FLT3: variants seen among roughly 807,000 people sequenced by gnomAD.
The protein encoded by FLT3 is receptor-type tyrosine-protein kinase FLT3.
FLT3 carries 46 observed loss-of-function variants against 126.6 expected under a neutral mutation model. That is an observed-to-expected ratio of 0.36 (90% CI 0.29 to 0.46). The LOEUF (loss-of-function observed/expected upper bound fraction) is 0.46, where lower values mean the gene tolerates loss of function less well. Ranked by LOEUF, FLT3 falls within the 20% of genes least tolerant of loss-of-function variation. FLT3 has a pLI of 1.00. For missense variants in FLT3, 1,069 were observed against 1,190.3 expected (o/e 0.90, Z 1.50); for synonymous variants, 404 against 434.4 (o/e 0.93, Z 0.87).
chr13:28,065,831 G>GTAA (rs59880929), intron 2 of FLT3, among the ~76,000 whole-genome samples: 3,510 of 126,770 alleles, frequency 0.028, 152 homozygotes, highest in African/African-American at 0.097. Flanking sequence ...TTGTCTCAAA[G>GTAA]TAATAATAAT....
intron 9 of FLT3, among the ~76,000 whole-genome samples, chr13:28,041,891 G>A (rs911754123): frequency 3.9e-5 from 6 of 152,130 alleles, no homozygotes; most frequent in Non-Finnish European, 8.8e-5. Flanking sequence ...GATGGCTCAC[G>A]CCTGCAATCC....
At position 28,045,959 on chromosome 13, in the gene FLT3, AG is replaced by A. The variant is rs1874831071; in HGVS notation, c.1205+2315del. 2.3e-5 allele frequency among the ~76,000 whole-genome samples: 3 copies of A among 132,086 alleles called. No individual in the cohort carries two copies. The South Asian group carries it at 7.4e-4, about 32-fold the overall frequency. The allele number at this position is 132,086 out of a possible 152,430, so 86.7% of individuals were successfully genotyped here. On this transcript the variant is annotated intron_variant, in intron 9 of 23. Transcript: ENST00000241453. ...CAAAAAAAAAAAAAAAAAAAATGCC[AG>A]GGGTTATTTTTCTCAATTTGGCAGT...
At chr13:28,049,278 T>G (rs956697773) in intron 8 of FLT3, 106 bp downstream of exon 8, 4 of 1,024,732 alleles carry the variant, frequency 3.9e-6, no homozygotes, top group Non-Finnish European at 5.8e-6. Flanking sequence ...TTCTTAGTGT[T>G]TGATAGTAGC....
At chr13:28,097,647 C>T (rs1472113939) in intron 1 of FLT3, among the ~76,000 whole-genome samples, 1 of 152,200 alleles carries the variant, frequency 6.6e-6, no homozygotes, top group Non-Finnish European at 1.5e-5. Context: ...ACTAGAGTTT[C>T]AGAGTCAGAG....
At chr13:28,020,148 T>C (rs1872256168) in intron 19 of FLT3, among the ~76,000 whole-genome samples, 1 of 152,008 alleles carries the variant, frequency 6.6e-6, no homozygotes, top group Non-Finnish European at 1.5e-5. Context: ...CTATCCCACA[T>C]TCCCTGCTGG....
chr13:28,074,692 G>A (rs1006216162), intron 1 of FLT3, among the ~76,000 whole-genome samples: 1 of 152,034 alleles, frequency 6.6e-6, no homozygotes, highest in Non-Finnish European at 1.5e-5. Flanking sequence ...TCAGGTTGGA[G>A]TATAGTGGCG....
chr13:28,013,667 G>A (rs1871586080), intron 23 of FLT3, among the ~76,000 whole-genome samples: 1 of 152,230 alleles, frequency 6.6e-6, no homozygotes, highest in Non-Finnish European at 1.5e-5. Context: ...GAAAACTGAT[G>A]CTTAGAGAAG....
intron 2 of FLT3, among the ~76,000 whole-genome samples, chr13:28,062,987 C>T (rs969999096): frequency 1.3e-5 from 2 of 152,034 alleles, no homozygotes; most frequent in African/African-American, 2.4e-5. Flanking sequence ...TGTATCACCC[C>T]TAGCAAACTA....
chr13:28,048,586 A>G, intron 8 of FLT3, 143 bp from the exon 9 acceptor site: 1 of 617,594 alleles, frequency 1.6e-6, no homozygotes, highest in East Asian at 2.8e-5. Context: ...TGGATAATCC[A>G]AGTGAAAACC....
chr13:28,049,236 T>A, intron 8 of FLT3, 148 bp downstream of exon 8: 1 of 796,702 alleles, frequency 1.3e-6, no homozygotes, highest in Non-Finnish European at 2.0e-6. Context: ...GTGGGCAGAT[T>A]ATCTTTGCAA....
chr13:28,069,621 A>G (rs1002629557), intron 2 of FLT3, among the ~76,000 whole-genome samples: 1 of 152,184 alleles, frequency 6.6e-6, no homozygotes, highest in Admixed American at 6.6e-5. Context: ...TTCCGCATCC[A>G]TGGATACAAC....
At chr13:28,081,309 T>C (rs1002967793) in intron 1 of FLT3, among the ~76,000 whole-genome samples, 2 of 152,220 alleles carry the variant, frequency 1.3e-5, no homozygotes, top group Non-Finnish European at 2.9e-5. Flanking sequence ...CTCTTATCAA[T>C]GTTTTATAGT....
In FLT3 at chr13:28,091,370, C is replaced by T. The variant is rs530474766; in HGVS notation, c.43+9098G>A. Among the ~76,000 whole-genome samples the T allele has an allele frequency of 4.0e-4, 59 of 149,144 alleles. No homozygotes were observed. The South Asian group carries it at 5.8e-3, about 15-fold the overall frequency. Reference sequence around the variant, plus strand: ...CCGAGTAGCTGGGACTACAGGCGCCCGCCACCACGCCCGGCTAATTTTTTG... The same window carrying T: ...CCGAGTAGCTGGGACTACAGGCGCCTGCCACCACGCCCGGCTAATTTTTTG... On this transcript the variant is annotated intron_variant, in intron 1 of 23. Coordinates refer to ENST00000241453, the MANE Select transcript of FLT3 (RefSeq NM_004119.3).
chr13:28,061,477 A>T (rs563266242), intron 3 of FLT3, among the ~76,000 whole-genome samples: 1 of 152,318 alleles, frequency 6.6e-6, no homozygotes, highest in Non-Finnish European at 1.5e-5. Flanking sequence ...TACAAAAAAC[A>T]GGCCGAGGCC....
intron 4 of FLT3, among the ~76,000 whole-genome samples, chr13:28,056,567 G>C (rs1876019290): frequency 6.6e-6 from 1 of 152,200 alleles, no homozygotes; most frequent in African/African-American, 2.4e-5. Context: ...GTCTGTGCAT[G>C]ATGGGGACGA....
chr13:28,017,031 G>A (rs1412327791), intron 20 of FLT3, among the ~76,000 whole-genome samples: 1 of 152,128 alleles, frequency 6.6e-6, no homozygotes, highest in Non-Finnish European at 1.5e-5. Context: ...CAGACTCGGG[G>A]CTCAGACTAT....
At chr13:28,070,059 G>C (rs1399295517) in intron 2 of FLT3, among the ~76,000 whole-genome samples, 1 of 152,198 alleles carries the variant, frequency 6.6e-6, no homozygotes, top group Non-Finnish European at 1.5e-5. Flanking sequence ...AGGCTGCAGT[G>C]AGCTATGATC....
chr13:28,046,137 T>G (rs1874856498), intron 9 of FLT3, among the ~76,000 whole-genome samples: 1 of 152,078 alleles, frequency 6.6e-6, no homozygotes, highest in African/African-American at 2.4e-5. Context: ...GCAGCGCCAC[T>G]GTTGACAAAC....
intron 1 of FLT3, among the ~76,000 whole-genome samples, chr13:28,091,207 CTTTTTTTTTTTTTTTTTTTTTT>C (rs572410744): frequency 5.5e-5 from 2 of 36,580 alleles, no homozygotes; most frequent in Admixed American, 4.8e-4. Context: ...GCCCCATTTT[CTTTTTTTTTTTTTTTTTTTTTT>C]TTTTTTTTTT....
Sources: allele counts gnomAD v4.1 joint callset (sites outside exome capture counted in the v4.1 genomes callset), GRCh38; gene constraint gnomAD v4.1.1; transcripts MANE v1.5; gene names NCBI Gene and HGNC (gene_info 2026-07-23, HGNC 2026-07-21).